Variants in DOCK3 observed in about 807,000 individuals in gnomAD.
DOCK3 encodes dedicator of cytokinesis 3, also known as dedicator of cytokinesis protein 3.
Under a neutral mutation model 265.6 loss-of-function variants are expected in DOCK3, and 60 were observed. That is an observed-to-expected ratio of 0.23 (90% CI 0.18 to 0.28). The LOEUF is 0.28. DOCK3 is among the 10% of genes least tolerant of loss of function. The pLI is 1.00. For missense variants in DOCK3, 1,981 were observed against 2,594.3 expected (o/e 0.76, Z 5.14); for synonymous variants, 881 against 938.0 (o/e 0.94, Z 1.11).
At chr3:50,707,749 G>A (rs1355884311) in intron 1 of DOCK3, among the ~76,000 whole-genome samples, 3 of 152,060 alleles carry the variant, frequency 2.0e-5, no homozygotes, top group Non-Finnish European at 2.9e-5. Context: ...GGCTGAGTGG[G>A]CATTGCCATA....
intron 38 of DOCK3, among the ~76,000 whole-genome samples, chr3:51,347,998 A>G (rs1227160394): frequency 3.3e-5 from 5 of 152,200 alleles, no homozygotes; most frequent in Admixed American, 3.3e-4. Context: ...TTGTATCCTG[A>G]GACTTTGCTG....
intron 3 of DOCK3, 109 bp from the exon 4 acceptor site, chr3:50,889,917 C>A: frequency 1.2e-6 from 1 of 824,852 alleles, no homozygotes; most frequent in Non-Finnish European, 1.7e-6. Context: ...GTTGCTGTAG[C>A]AGGAGATCTA....
chr3:50,972,330 AGTG>A (rs1221036593), intron 5 of DOCK3, among the ~76,000 whole-genome samples: 1 of 152,172 alleles, frequency 6.6e-6, no homozygotes, highest in Non-Finnish European at 1.5e-5. Context: ...CTTTGTGTGC[AGTG>A]GTGGGTAATG....
intron 12 of DOCK3, among the ~76,000 whole-genome samples, chr3:51,179,768 C>T (rs933871989): frequency 4.6e-5 from 7 of 151,622 alleles, no homozygotes; most frequent in Non-Finnish European, 8.8e-5. Flanking sequence ...AAAAATTAGC[C>T]GGGCTTGGTG....
At chr3:50,975,183 TAGGAGTGGTG>T (rs1202582908) in intron 5 of DOCK3, among the ~76,000 whole-genome samples, 1 of 146,916 alleles carries the variant, frequency 6.8e-6, no homozygotes, top group African/African-American at 2.5e-5. Flanking sequence ...CTATGTTGAA[TAGGAGTGGTG>T]AGAGAGGGCA....
chr3:51,280,148 T>C lies in DOCK3; in HGVS notation c.2866T>C (p.Cys956Arg), dbSNP rs1475842070. ...CCTTCTCTCACTGCTCCGCCAGATG[T>C]GTGACACCCATTTCCAGCACCTCCT... ...SCLLSLLRQMCDTHFQHLLDN... is the reference protein window; with the variant it reads ...SCLLSLLRQMRDTHFQHLLDN... The change falls in exon 27 of 53, where the codon TGT becomes CGT. Residue 956 changes from cysteine to arginine, a missense_variant. Around this residue, in one of 4 missense-constraint regions of DOCK3, gnomAD observed 1,357 missense variants for 1,866.8 expected, o/e 0.73. Coordinates refer to ENST00000266037, the MANE Select transcript of DOCK3 (RefSeq NM_004947.5). 1.2e-6 allele frequency: 2 copies of C among 1,613,750 alleles called. No individual in the cohort carries two copies. Among genetic ancestry groups the C allele is most frequent in the African/African-American group, 1.3e-5 (1 of 74,896 alleles).
At chr3:50,896,371 A>G (rs1337819936) in intron 4 of DOCK3, among the ~76,000 whole-genome samples, 2 of 152,010 alleles carry the variant, frequency 1.3e-5, no homozygotes, top group Non-Finnish European at 2.9e-5. Context: ...AATTTGTTTA[A>G]TCTTTGTAGA....
chr3:50,688,405 G>A (rs990025959), intron 1 of DOCK3, among the ~76,000 whole-genome samples: 10 of 152,292 alleles, frequency 6.6e-5, no homozygotes, highest in African/African-American at 2.4e-4. Context: ...CTTGGAGAAT[G>A]TGAATCATTT....
At chr3:50,971,534 G>A (rs969526762) in intron 5 of DOCK3, among the ~76,000 whole-genome samples, 1 of 152,134 alleles carries the variant, frequency 6.6e-6, no homozygotes, top group Non-Finnish European at 1.5e-5. Context: ...GCGGGACCAG[G>A]TTGGCGAGGT....
At chr3:50,929,483 A>G (rs1425213828) in intron 4 of DOCK3, among the ~76,000 whole-genome samples, 1 of 152,150 alleles carries the variant, frequency 6.6e-6, no homozygotes, top group Admixed American at 6.5e-5. Flanking sequence ...TTCTTTTCCG[A>G]AACTTCAACC....
intron 12 of DOCK3, among the ~76,000 whole-genome samples, chr3:51,195,242 G>T (rs1019319118): frequency 6.6e-6 from 1 of 152,062 alleles, no homozygotes; most frequent in Non-Finnish European, 1.5e-5. Context: ...TTATTGATAT[G>T]TGGTGCTTTG....
intron 12 of DOCK3, among the ~76,000 whole-genome samples, chr3:51,191,539 C>T (rs903387108): frequency 4.0e-5 from 6 of 151,686 alleles, no homozygotes; most frequent in Non-Finnish European, 5.9e-5. Flanking sequence ...GCCAGGTTCC[C>T]AGTGGTGGTG....
At chr3:50,697,070 A>G (rs1234326411) in intron 1 of DOCK3, among the ~76,000 whole-genome samples, 1 of 151,754 alleles carries the variant, frequency 6.6e-6, no homozygotes, top group Non-Finnish European at 1.5e-5. Context: ...AGCTGGGATT[A>G]CAGATGTGCA....
At chr3:50,884,407 A>G (rs555720647) in intron 3 of DOCK3, among the ~76,000 whole-genome samples, 3 of 152,324 alleles carry the variant, frequency 2.0e-5, no homozygotes, top group South Asian at 2.1e-4. Flanking sequence ...ATACCATTCA[A>G]TAATATGAAC....
intron 1 of DOCK3, among the ~76,000 whole-genome samples, chr3:50,766,981 T>C (rs1227598904): frequency 1.3e-5 from 2 of 152,204 alleles, no homozygotes; most frequent in Non-Finnish European, 2.9e-5. Context: ...TTTTTTGTTG[T>C]AAATTTGTTT....
intron 4 of DOCK3, among the ~76,000 whole-genome samples, chr3:50,890,786 T>C (rs2048605265): frequency 6.6e-6 from 1 of 152,086 alleles, no homozygotes; most frequent in Non-Finnish European, 1.5e-5. Flanking sequence ...AGAGTAACCT[T>C]CTGGTCAGTT....
intron 1 of DOCK3, among the ~76,000 whole-genome samples, chr3:50,727,580 C>T (rs778442137): frequency 6.6e-6 from 1 of 152,132 alleles, no homozygotes; most frequent in Admixed American, 6.5e-5. Context: ...TGCCTATAAT[C>T]CCAGATACTC....
chr3:51,265,947 C>T (rs543067610), intron 23 of DOCK3, among the ~76,000 whole-genome samples: 2 of 152,232 alleles, frequency 1.3e-5, no homozygotes, highest in East Asian at 3.9e-4. Context: ...TTTAGAAAAC[C>T]CCATTGTCTC....
chr3:50,795,173 C>T (rs1487791745), intron 2 of DOCK3, among the ~76,000 whole-genome samples: 5 of 151,844 alleles, frequency 3.3e-5, no homozygotes, highest in Admixed American at 1.3e-4. Context: ...TTTTTTCTTT[C>T]ATTTTGACTT....
Sources: gnomAD v4.1 joint callset for allele counts (sites outside exome capture counted in the v4.1 genomes callset) on GRCh38, gnomAD v4.1.1 for gene constraint, gnomAD v4.1.1 regional missense constraint, MANE v1.5 for transcripts, NCBI Gene and HGNC (gene_info 2026-07-23, HGNC 2026-07-21) for gene names.